TSHR: variants seen among roughly 807,000 people sequenced by gnomAD.
TSHR encodes thyroid stimulating hormone receptor.
A neutral mutation model predicts 64.1 loss-of-function variants in TSHR; 51 were observed. That is an observed-to-expected ratio of 0.80 (90% confidence interval 0.64 to 1.01). TSHR has a LOEUF of 1.01. Ranked by LOEUF, TSHR falls within the 50% of genes least tolerant of loss-of-function variation. The pLI, the probability that TSHR is intolerant of heterozygous loss-of-function variation, is 0.00. For synonymous variants in TSHR, 361 were observed against 361.9 expected (o/e 1.00, Z 0.03); for missense variants, 877 against 942.8 (o/e 0.93, Z 0.91).
Position 81,143,303 on chromosome 14 carries a change from G to T in TSHR, c.1245G>T (p.Lys415Asn). ...CGTGTGAAGACATAATGGGCTACAAGTTCCTGAGAATTGTGGTGTGGTTCG... is the reference window on the plus strand; with the variant it reads ...CGTGTGAAGACATAATGGGCTACAATTTCCTGAGAATTGTGGTGTGGTTCG... ...FNPCEDIMGYKFLRIVVWFVS... is the reference protein window; with the variant it reads ...FNPCEDIMGYNFLRIVVWFVS... The change falls in exon 10 of 10, where the codon AAG becomes AAT. Residue 415 changes from lysine (K) to asparagine (N), a missense_variant. Coordinates refer to ENST00000298171, the MANE Select transcript of TSHR (RefSeq NM_000369.5). 1 of 1,614,192 alleles carries T rather than the reference G, an allele frequency of 6.2e-7. No homozygotes were observed. Among genetic ancestry groups the T allele is most frequent in the Non-Finnish European group, 8.5e-7 (1 of 1,180,046 alleles).
At chr14:81,008,334 G>A (rs972994700) in intron 1 of TSHR, among the ~76,000 whole-genome samples, 44 of 151,888 alleles carry the variant, frequency 2.9e-4, no homozygotes, top group African/African-American at 9.7e-4. Context: ...CACCACGCCC[G>A]GCTAATTTTT....
chr14:81,089,092 A>C (rs1888519273), intron 4 of TSHR, among the ~76,000 whole-genome samples: 1 of 150,192 alleles, frequency 6.7e-6, no homozygotes, highest in Admixed American at 6.7e-5. Flanking sequence ...CATTCAAGCG[A>C]TTCTCCTGCC....
chr14:81,006,374 T>C (rs1246705606), intron 1 of TSHR, among the ~76,000 whole-genome samples: 1 of 152,176 alleles, frequency 6.6e-6, no homozygotes, highest in African/African-American at 2.4e-5. Flanking sequence ...ATGGCCTCCT[T>C]CTTGCTGTGT....
At chr14:81,058,589 G>C (rs72689937) in intron 1 of TSHR, among the ~76,000 whole-genome samples, 4,272 of 152,104 alleles carry the variant, frequency 0.028, 207 homozygotes, top group East Asian at 0.23. Flanking sequence ...TCTTCTTATT[G>C]TGAATTATCA....
intron 8 of TSHR, among the ~76,000 whole-genome samples, chr14:81,128,975 G>C (rs72627195): frequency 0.069 from 10,421 of 152,102 alleles, 916 homozygotes; most frequent in East Asian, 0.23. Context: ...ACCCACAGGG[G>C]ATGACTGAAA....
rs765336502 is a variant in TSHR, at chr14:81,143,605, C to A, written c.1547C>A (p.Thr516Asn). ...ELSVYTLTVI[T>N]LERWYAITFA... ...TCGGTGTATACGCTGACGGTCATCA[C>A]CCTGGAGCGCTGGTATGCCATCACC... The change falls in exon 10 of 10, where the codon ACC (threonine) becomes AAC (asparagine). Residue 516 changes from threonine to asparagine, a missense_variant. Physicochemically the swap from Thr to Asn is moderately conservative, Grantham distance 65 (BLOSUM62 0). Transcript: ENST00000298171. 1.7e-5 allele frequency: 28 copies of A among 1,613,694 alleles called. No individual in the cohort carries two copies. The South Asian group carries it at 3.1e-4, about 18-fold the overall frequency.
chr14:80,991,623 G>C (rs1007666036), intron 1 of TSHR: 2 of 398,554 alleles, frequency 5.0e-6, no homozygotes, highest in Non-Finnish European at 8.8e-6. Flanking sequence ...TCCCAGTCAA[G>C]AGGAAAGAAA....
chr14:81,073,022 ATATAT>A (rs1302732927), intron 3 of TSHR, among the ~76,000 whole-genome samples: 393 of 20,166 alleles, frequency 0.019, 6 homozygotes, highest in South Asian at 0.026. Flanking sequence ...TAAAAAATAA[ATATAT>A]ATATATATAT....
chr14:81,069,397 T>A (rs979754546), intron 3 of TSHR, among the ~76,000 whole-genome samples: 5 of 152,194 alleles, frequency 3.3e-5, no homozygotes, highest in Non-Finnish European at 7.3e-5. Flanking sequence ...CTACCTTACA[T>A]CAGATCAACT....
At chr14:81,116,126 C>T (rs1208765075) in intron 8 of TSHR, among the ~76,000 whole-genome samples, 34 of 151,882 alleles carry the variant, frequency 2.2e-4, no homozygotes, top group Middle Eastern at 6.8e-3. Context: ...CATCAACTGA[C>T]GAGCAAAATA....
intron 3 of TSHR, among the ~76,000 whole-genome samples, chr14:81,084,485 G>T (rs1259306538): frequency 6.6e-6 from 1 of 152,118 alleles, no homozygotes; most frequent in African/African-American, 2.4e-5. Context: ...TTATTAGTTT[G>T]GGTAGGTGAA....
chr14:80,972,165 A>G (rs931756974), intron 1 of TSHR, among the ~76,000 whole-genome samples: 7 of 152,192 alleles, frequency 4.6e-5, no homozygotes, highest in African/African-American at 9.7e-5. Context: ...CATGATTGTT[A>G]TCTATTGTGA....
chr14:81,020,664 A>G (rs755290217), intron 1 of TSHR, among the ~76,000 whole-genome samples: 3 of 152,232 alleles, frequency 2.0e-5, no homozygotes, highest in Non-Finnish European at 4.4e-5. Flanking sequence ...GCAGACTCAT[A>G]TCAAAACCCT....
At chr14:81,060,573 G>A (rs1180503973) in intron 1 of TSHR, among the ~76,000 whole-genome samples, 5 of 151,934 alleles carry the variant, frequency 3.3e-5, no homozygotes, top group African/African-American at 9.7e-5. Flanking sequence ...CAACTAATTT[G>A]GTCTTTCTGA....
At chr14:81,039,261 C>CA (rs879259058) in intron 1 of TSHR, among the ~76,000 whole-genome samples, 63 of 151,510 alleles carry the variant, frequency 4.2e-4, no homozygotes, top group Non-Finnish European at 7.5e-4. Flanking sequence ...AAAACTGATG[C>CA]AAAAAAAGCA....
intron 1 of TSHR, among the ~76,000 whole-genome samples, chr14:80,965,687 T>A (rs568403780): frequency 6.6e-6 from 1 of 152,344 alleles, no homozygotes; most frequent in South Asian, 2.1e-4. Flanking sequence ...TTCAAAATTA[T>A]AGATTGAGTT....
intron 1 of TSHR, among the ~76,000 whole-genome samples, chr14:81,037,010 G>C (rs989861536): frequency 1.3e-5 from 2 of 152,028 alleles, no homozygotes; most frequent in Non-Finnish European, 2.9e-5. Flanking sequence ...GGGTGTGGTG[G>C]TGTGTGCCTG....
At position 81,000,077 on chromosome 14, in the gene TSHR, G is replaced by A. The variant is rs533717822; in HGVS notation, c.170+44227G>A. ...CTCCCGAGTAGCTGGGACTACAGGC[G>A]CATGCCACCACACCTGGCTAATTTT... On this transcript the variant is annotated intron_variant, in intron 1 of 9. Transcript: ENST00000298171. 7.2e-5 allele frequency among the ~76,000 whole-genome samples: 11 copies of A among 151,862 alleles called. No homozygotes were observed. The South Asian group carries it at 1.7e-3, about 23-fold the overall frequency.
intron 7 of TSHR, chr14:81,105,255 GT>G: frequency 1.0e-6 from 1 of 984,418 alleles, no homozygotes. Flanking sequence ...GAAATGTCAT[GT>G]GATAAATGAG....
Sources: allele counts gnomAD v4.1 joint callset (sites outside exome capture counted in the v4.1 genomes callset), GRCh38; gene constraint gnomAD v4.1.1; transcripts MANE v1.5; gene names NCBI Gene and HGNC (gene_info 2026-07-23, HGNC 2026-07-21).